DNAH9: variants seen among roughly 807,000 people sequenced by gnomAD.
DNAH9 encodes dynein axonemal heavy chain 9.
Under a neutral mutation model 471.6 loss-of-function variants are expected in DNAH9, and 345 were observed. That is an observed-to-expected ratio of 0.73 (90% CI 0.67 to 0.80). DNAH9 has a LOEUF of 0.80. Ranked by LOEUF, DNAH9 falls within the 30% of genes least tolerant of loss-of-function variation. The probability of loss-of-function intolerance (pLI) is 0.00; values close to 1 mark genes in which losing one functional copy is unlikely to be tolerated. For synonymous variants in DNAH9, 2,093 were observed against 2,123.6 expected (o/e 0.99, Z 0.40); for missense variants, 5,407 against 5,609.2 (o/e 0.96, Z 1.15).
intron 49 of DNAH9, among the ~76,000 whole-genome samples, chr17:11,847,206 A>C (rs1365805175): frequency 2.0e-5 from 3 of 152,096 alleles, no homozygotes; most frequent in Non-Finnish European, 4.4e-5. Context: ...GAAGCTCTTT[A>C]GTTTAATTAG....
At chr17:11,730,107 T>G (rs753753821) in intron 28 of DNAH9, among the ~76,000 whole-genome samples, 1 of 152,170 alleles carries the variant, frequency 6.6e-6, no homozygotes, top group Non-Finnish European at 1.5e-5. Context: ...TTTCCAGTGG[T>G]GAAATATGGT....
intron 6 of DNAH9, 105 bp downstream of exon 6, chr17:11,619,886 C>A: frequency 1.5e-6 from 1 of 681,994 alleles, no homozygotes. Flanking sequence ...TCATAGCCAA[C>A]CCTCCATCAG....
chr17:11,817,809 ATC>A (rs1367363193), intron 45 of DNAH9, among the ~76,000 whole-genome samples: 1 of 152,156 alleles, frequency 6.6e-6, no homozygotes, highest in African/African-American at 2.4e-5. Context: ...GTCATTAACT[ATC>A]TCAAAGAATA....
At position 11,881,528 on chromosome 17, in the gene DNAH9, G is replaced by C. The variant is rs1304924877; in HGVS notation, c.10806+115G>C. On this transcript the variant is annotated intron_variant, in intron 55 of 68. Transcript: ENST00000262442. ...GGATTGAGTTAGGTGGGTTCTGCTA[G>C]ACTCTGGAAGACTGCTGACCCCATG... 10 of 992,200 alleles carry C rather than the reference G, an allele frequency of 1.0e-5. No individual in the cohort carries two copies. The South Asian group carries it at 1.1e-4, about 10-fold the overall frequency. The allele number at this position is 992,200 out of a possible 1,614,324, so 61.5% of individuals were successfully genotyped here.
intron 39 of DNAH9, among the ~76,000 whole-genome samples, chr17:11,783,146 G>T (rs1413001583): frequency 6.6e-6 from 1 of 151,992 alleles, no homozygotes; most frequent in Non-Finnish European, 1.5e-5. Context: ...GGTTTGTTTT[G>T]TTTTAGGCTT....
At chr17:11,888,262 C>T (rs760112459) in intron 57 of DNAH9, among the ~76,000 whole-genome samples, 2 of 152,114 alleles carry the variant, frequency 1.3e-5, no homozygotes, top group African/African-American at 4.8e-5. Context: ...GGATTACAGG[C>T]GTGAGCCACT....
At chr17:11,605,448 T>C (rs1324670446) in intron 1 of DNAH9, among the ~76,000 whole-genome samples, 24 of 150,666 alleles carry the variant, frequency 1.6e-4, no homozygotes, top group Admixed American at 1.5e-3. Flanking sequence ...TAAATACTCA[T>C]TGAATAAATG....
rs1049111940 is a variant in DNAH9 at position 11,598,771 on chromosome 17, T to C, written c.273T>C (p.Pro91=). The change falls in exon 1 of 69, where the codon CCT becomes CCC. Residue 91 remains proline (P), a synonymous_variant. Transcript: ENST00000262442. ...LAIRPGLEVG[P]ESGLAGAKAL... is the part of the protein sequence containing the mutation. ...TACGCCCCGGGCTGGAGGTGGGACC[T>C]GAGTCGGGCCTGGCTGGCGCTAAGG... 5.5e-6 allele frequency: 8 copies of C among 1,457,858 alleles called. No individual in the cohort carries two copies. Among genetic ancestry groups the C allele is most frequent in the Admixed American group, 5.0e-5 (2 of 39,912 alleles). 90.3% of individuals were successfully genotyped at this position (1,457,858 alleles called of 1,614,324 possible).
intron 61 of DNAH9, among the ~76,000 whole-genome samples, chr17:11,915,550 CAAACA>C (rs1336075564): frequency 2.6e-5 from 4 of 151,938 alleles, no homozygotes; most frequent in Non-Finnish European, 5.9e-5. Flanking sequence ...CACACACAAA[CAAACA>C]AAACAAAAAA....
At chr17:11,756,488 T>C in intron 33 of DNAH9, 80 bp from the exon 34 acceptor site, 1 of 824,520 alleles carries the variant, frequency 1.2e-6, no homozygotes, top group Non-Finnish European at 2.1e-6. Flanking sequence ...ACCAAACCAA[T>C]AATAATCAGC....
At chr17:11,708,792 A>G (rs1485375528) in intron 26 of DNAH9, among the ~76,000 whole-genome samples, 1 of 152,108 alleles carries the variant, frequency 6.6e-6, no homozygotes, top group Non-Finnish European at 1.5e-5. Context: ...TGAAGCCATT[A>G]TGTATTTGGG....
chr17:11,915,152 C>A (rs79971645), intron 61 of DNAH9, among the ~76,000 whole-genome samples: 8,895 of 152,284 alleles, frequency 0.058, 393 homozygotes, highest in East Asian at 0.2. Flanking sequence ...TCTTCCTCTG[C>A]AAACCCTTGC....
chr17:11,753,654 G>T (rs117167749), intron 33 of DNAH9, among the ~76,000 whole-genome samples: 1 of 152,296 alleles, frequency 6.6e-6, no homozygotes, highest in African/African-American at 2.4e-5. Context: ...CAACAAGAGC[G>T]AAACTCCATC....
chr17:11,887,981 G>GTTT (rs767926831), intron 57 of DNAH9, among the ~76,000 whole-genome samples: 1 of 145,532 alleles, frequency 6.9e-6, no homozygotes, highest in Admixed American at 6.8e-5. Flanking sequence ...ATATTTTATG[G>GTTT]TTTTTTGTTT....
rs1281803626 is a variant in DNAH9, at chr17:11,626,955, T to G, written c.1351-2462T>G. Among the ~76,000 whole-genome samples the G allele has an allele frequency of 6.6e-6, 1 of 152,188 alleles. No homozygotes were observed. Among genetic ancestry groups the G allele is most frequent in the African/African-American group, 2.4e-5 (1 of 41,446 alleles). On this transcript the variant is annotated intron_variant, in intron 6 of 68. Transcript: ENST00000262442. This position sits in a 1 kb window ranked among gnomAD's most constrained non-coding sequence, Gnocchi z 4.3. ...CAGGCACTGGAAATACCGAGATACC[T>G]TTGGGGCATTTACAACTTACTGGAC...
intron 17 of DNAH9, among the ~76,000 whole-genome samples, chr17:11,673,665 TATAAC>T (rs946796019): frequency 6.7e-6 from 1 of 149,798 alleles, no homozygotes; most frequent in African/African-American, 2.5e-5. Context: ...TATGATGAAA[TATAAC>T]ATACATACAA....
At chr17:11,639,471 G>C (rs140134007) in intron 9 of DNAH9, among the ~76,000 whole-genome samples, 182 of 152,294 alleles carry the variant, frequency 1.2e-3, no homozygotes, top group African/African-American at 3.6e-3. Flanking sequence ...CCCATTGCTT[G>C]GGCTAACATA....
intron 64 of DNAH9, among the ~76,000 whole-genome samples, chr17:11,933,097 C>T (rs939493741): frequency 6.6e-6 from 1 of 152,146 alleles, no homozygotes; most frequent in African/African-American, 2.4e-5. Context: ...CCTCCAGTGA[C>T]CTCCCTCCCT....
chr17:11,751,081 A>G (rs1265492017), intron 32 of DNAH9, among the ~76,000 whole-genome samples: 1 of 152,046 alleles, frequency 6.6e-6, no homozygotes, highest in African/African-American at 2.4e-5. Context: ...AGAAGAAAAT[A>G]TTTAATTGAT....
Sources: gnomAD v4.1 joint callset for allele counts (sites outside exome capture counted in the v4.1 genomes callset) on GRCh38, gnomAD v4.1.1 for gene constraint, Gnocchi (gnomAD v3.1) non-coding constraint, MANE v1.5 for transcripts, NCBI Gene and HGNC (gene_info 2026-07-23, HGNC 2026-07-21) for gene names.